The following NAIP variants were observed in gnomAD, a reference collection of about 807,000 sequenced individuals.
The protein encoded by NAIP is baculoviral IAP repeat-containing protein 1.
A neutral mutation model predicts 23.0 loss-of-function variants in NAIP; 15 were observed. That is an observed-to-expected ratio of 0.65 (90% CI 0.44 to 1.00). The LOEUF is 1.00. Among genes scored for constraint, NAIP ranks in the 50% least tolerant of loss-of-function variants. The pLI, the probability that NAIP is intolerant of heterozygous loss-of-function variation, is 0.00. For synonymous variants in NAIP, 100 were observed against 100.2 expected, an observed-to-expected ratio of 1.00 and a Z score of 0.01; for missense variants, 265 against 278.8, an observed-to-expected ratio of 0.95 and a Z score of 0.35.
chr5:71,010,985 C>CA (rs1751123616), intron 5 of NAIP, among the ~76,000 whole-genome samples: 1 of 151,146 alleles, frequency 6.6e-6, no homozygotes, highest in Admixed American at 6.6e-5. Flanking sequence ...GTAATCCTAG[C>CA]ACTTCGGGAG....
chr5:71,012,347 C>T lies in NAIP; in HGVS notation c.568+1G>A. ...CACTTCAGAGAATAATTTCAAGGTACCTGTAAAGACAAAGCCAGCCTCTGA... is the reference window on the plus strand; with the variant it reads ...CACTTCAGAGAATAATTTCAAGGTATCTGTAAAGACAAAGCCAGCCTCTGA... On this transcript the variant is annotated splice_donor_variant, in intron 4 of 16. Transcript: ENST00000517649. LOFTEE classifies it high-confidence loss of function. 3 of 1,590,980 alleles carry T rather than the reference C, an allele frequency of 1.9e-6. 1 individual carries two copies. In the South Asian group the frequency reaches 3.4e-5, roughly 18 times the overall value.
In NAIP at chr5:71,012,703, C is replaced by T; in HGVS notation, c.213G>A (p.Glu71=). ...CCTGTGGTATCCATGAGCTGTACGGCTCATAAGTCACAAAAGTCTTTAACC... is the reference window on the plus strand; with the variant it reads ...CCTGTGGTATCCATGAGCTGTACGGTTCATAAGTCACAAAAGTCTTTAACC... ...AKRLKTFVTY[E]PYSSWIPQEM... is the part of the protein sequence containing the mutation. Residue 71 remains glutamate (E), a synonymous_variant, in exon 4 of 17, where the codon GAG becomes GAA. Coordinates refer to ENST00000517649, the MANE Select transcript of NAIP (RefSeq NM_004536.3). 6.2e-7 allele frequency: 1 copy of T among 1,611,780 alleles called. No homozygotes were observed. The highest frequency in any genetic ancestry group is 8.5e-7 in the Non-Finnish European group (1 of 1,178,422).
chr5:71,014,240 G>A (rs1410459411), intron 3 of NAIP, among the ~76,000 whole-genome samples: 1 of 151,208 alleles, frequency 6.6e-6, no homozygotes, highest in Non-Finnish European at 1.5e-5. Context: ...TGGGATTACA[G>A]GCACGTGCCA....
At chr5:71,012,088 G>A (rs1751186430) in intron 4 of NAIP, among the ~76,000 whole-genome samples, 1 of 151,522 alleles carries the variant, frequency 6.6e-6, no homozygotes, top group African/African-American at 2.4e-5. Flanking sequence ...AATACAGCCA[G>A]TATTTTCTAA....
rs758131764 is a variant in NAIP, at chr5:71,011,177, G to A, written c.668+98C>T. ...GAACCAGGGAGGGAGAATTTGCACC[G>A]AGCTGAAGTCATGCCACTATACTCC... On this transcript the variant is annotated intron_variant, in intron 5 of 16. Coordinates refer to ENST00000517649, the MANE Select transcript of NAIP (RefSeq NM_004536.3). The A allele has an allele frequency of 2.5e-4, 218 of 870,662 alleles. 2 individuals carry two copies. The highest frequency in any genetic ancestry group is 3.2e-4 in the South Asian group (17 of 53,116). The allele number at this position is 870,662 out of a possible 1,614,324, so 53.9% of individuals were successfully genotyped here.
intron 5 of NAIP, among the ~76,000 whole-genome samples, chr5:71,010,375 T>C (rs2112919021): frequency 6.6e-6 from 1 of 151,518 alleles, no homozygotes; most frequent in South Asian, 2.1e-4. Context: ...TTCACACCAT[T>C]CTTCTGCCTC....
Position 70,976,998 on chromosome 5 carries a change from G to GA in NAIP, c.3502dup (p.Ser1168PhefsTer14). 2.4e-6 allele frequency: 1 copy of GA among 409,732 alleles called. No homozygotes were observed. Among genetic ancestry groups the GA allele is most frequent in the Non-Finnish European group, 4.0e-6 (1 of 247,614 alleles). 25.4% of individuals were successfully genotyped at this position (409,732 alleles called of 1,614,324 possible). On this transcript the variant is annotated frameshift_variant, in exon 14 of 17. Transcript: ENST00000517649. LOFTEE classifies it high-confidence loss of function. Reference sequence around the variant, plus strand: ...CATAGTCATGAGAGACCCAAAATCCGAAAAGAAGTTACACTTCAGATGGAA... The same window carrying GA: ...CATAGTCATGAGAGACCCAAAATCCGAAAAAGAAGTTACACTTCAGATGGAA...
At chr5:71,002,379 A>G in intron 6 of NAIP, among the ~76,000 whole-genome samples, 1 of 50,416 alleles carries the variant, frequency 2.0e-5, no homozygotes, top group Non-Finnish European at 3.6e-5. Flanking sequence ...TTTTTAGTAG[A>G]GACAGACACG....
chr5:71,011,172 G>C, intron 5 of NAIP, 103 bp downstream of exon 5: 1 of 808,568 alleles, frequency 1.2e-6, no homozygotes, highest in Non-Finnish European at 1.9e-6. Flanking sequence ...GGGAGAATTT[G>C]CACCGAGCTG....
intron 3 of NAIP, among the ~76,000 whole-genome samples, chr5:71,017,510 G>A (rs1415003967): frequency 8.7e-6 from 1 of 114,606 alleles, no homozygotes; most frequent in African/African-American, 2.7e-5. Flanking sequence ...GCTAAGGTGG[G>A]AGGATTGCTT....
At chr5:71,009,114 C>T (rs1383030660) in intron 5 of NAIP, among the ~76,000 whole-genome samples, 1 of 150,346 alleles carries the variant, frequency 6.7e-6, no homozygotes, top group Non-Finnish European at 1.5e-5. Context: ...GTGGGAGGAT[C>T]ACTTGAGCCC....
intron 5 of NAIP, among the ~76,000 whole-genome samples, chr5:71,010,330 G>A (rs548294336): frequency 5.3e-5 from 8 of 151,128 alleles, no homozygotes; most frequent in Admixed American, 2.0e-4. Context: ...GTGCAGTGGC[G>A]CTATCTCGGC....
At chr5:71,013,499 G>A (rs1751268339) in intron 3 of NAIP, among the ~76,000 whole-genome samples, 1 of 150,748 alleles carries the variant, frequency 6.6e-6, no homozygotes, top group Non-Finnish European at 1.5e-5. Context: ...AATTAGCCGG[G>A]CGTGGTGGCG....
chr5:71,011,277 G>A lies in NAIP; in HGVS notation c.666C>T (p.Pro222=). ...TTAAGCAAAAATTATCTACTTACTT[G>A]GGGAACCATTTGGCATGTTCCTTCC... ...DPWKEHAKWF[P]KCEFLRSKKS... The change falls in exon 5 of 17, where the codon CCC becomes CCT. Residue 222 remains proline (P), a splice_region_variant and synonymous_variant. Coordinates refer to ENST00000517649, the MANE Select transcript of NAIP (RefSeq NM_004536.3). 6.3e-7 allele frequency: 1 copy of A among 1,575,676 alleles called. No individual in the cohort carries two copies. Among genetic ancestry groups the A allele is most frequent in the Non-Finnish European group, 8.6e-7 (1 of 1,160,836 alleles).
chr5:71,016,847 CT>C (rs1231707099), intron 3 of NAIP, among the ~76,000 whole-genome samples: 2 of 29,044 alleles, frequency 6.9e-5, no homozygotes, highest in Admixed American at 3.9e-4. Context: ...ACATTTTTCA[CT>C]TTTTTTTTTT....
intron 3 of NAIP, among the ~76,000 whole-genome samples, chr5:71,017,837 A>G: frequency 1.0e-5 from 1 of 96,026 alleles, no homozygotes; most frequent in Non-Finnish European, 2.1e-5. Flanking sequence ...CACCATGCCC[A>G]GCCCTTTCCT....
chr5:70,977,650 G>C (rs1399453177), intron 13 of NAIP, among the ~76,000 whole-genome samples: 2 of 86,052 alleles, frequency 2.3e-5, no homozygotes, highest in African/African-American at 9.6e-5. Flanking sequence ...GGGCAACAGA[G>C]CAAGACTGCA....
Position 71,012,783 on chromosome 5 carries a change from C to T in NAIP, c.133G>A (p.Glu45Lys). The change falls in exon 4 of 17, where the codon GAG becomes AAG. Residue 45 changes from glutamate (E) to lysine (K), a missense_variant. Glu to Lys is a moderately conservative substitution (Grantham distance 56). Around this residue, in one of 2 missense-constraint regions of NAIP, gnomAD observed 261 missense variants for 259.2 expected, o/e 1.01. Coordinates refer to ENST00000517649, the MANE Select transcript of NAIP (RefSeq NM_004536.3). ...AKELEEEEQKERAKMQKGYNS... is the reference protein window; with the variant it reads ...AKELEEEEQKKRAKMQKGYNS... ...TAGCCTTTCTGCATTTTTGCTCGCT[C>T]CTTCTGCTCCTCTTCTTCTAGTTCC... 3.1e-6 allele frequency: 5 copies of T among 1,611,996 alleles called. No homozygotes were observed. Among genetic ancestry groups the T allele is most frequent in the Non-Finnish European group, 4.2e-6 (5 of 1,178,516 alleles).
intron 4 of NAIP, chr5:71,011,746 T>C (rs1035278849): frequency 1.6e-5 from 7 of 444,216 alleles, no homozygotes; most frequent in South Asian, 3.7e-5. Context: ...GGTAGAAACA[T>C]AGGCATGTTT....
Sources: gnomAD v4.1 joint callset for allele counts (sites outside exome capture counted in the v4.1 genomes callset) on GRCh38, gnomAD v4.1.1 for gene constraint, gnomAD v4.1.1 regional missense constraint, MANE v1.5 for transcripts, NCBI Gene and HGNC (gene_info 2026-07-23, HGNC 2026-07-21) for gene names.